The following ROCK2 variants were observed in gnomAD, a reference collection of about 807,000 sequenced individuals.
ROCK2 encodes rho-associated protein kinase 2.
ROCK2 carries 61 observed loss-of-function variants against 195.1 expected under a neutral mutation model. The observed-to-expected ratio is 0.31, with a 90% CI of 0.25 to 0.39. The LOEUF is 0.39. Among genes scored for constraint, ROCK2 ranks in the 10% least tolerant of loss-of-function variants. The pLI is 1.00. For synonymous variants in ROCK2, 504 were observed against 545.5 expected, an observed-to-expected ratio of 0.92 and a Z score of 1.06; for missense variants, 1,109 against 1,637.4, an observed-to-expected ratio of 0.68 and a Z score of 5.57.
intron 1 of ROCK2, among the ~76,000 whole-genome samples, chr2:11,303,505 T>C (rs1483199619): frequency 1.3e-5 from 2 of 152,160 alleles, no homozygotes; most frequent in Non-Finnish European, 2.9e-5. Context: ...CTCTTGCTCA[T>C]TAACACCACA....
intron 1 of ROCK2, among the ~76,000 whole-genome samples, chr2:11,332,550 T>C (rs1001774914): frequency 2.0e-5 from 3 of 152,210 alleles, no homozygotes; most frequent in Non-Finnish European, 4.4e-5. Context: ...TTGTCATTGG[T>C]AAAATGCACT....
chr2:11,286,404 A>T, intron 3 of ROCK2, 135 bp downstream of exon 3: 1 of 607,428 alleles, frequency 1.6e-6, no homozygotes, highest in Non-Finnish European at 2.9e-6. Context: ...TTTATAGATG[A>T]GGACACTGAC....
chr2:11,226,742 C>T (rs79427608), intron 6 of ROCK2, among the ~76,000 whole-genome samples: 1 of 151,388 alleles, frequency 6.6e-6, no homozygotes, highest in South Asian at 2.1e-4. Context: ...TGAGACCACT[C>T]CCTACAAAAA....
At chr2:11,203,020 G>C (rs562177873) in intron 20 of ROCK2, among the ~76,000 whole-genome samples, 36 of 152,196 alleles carry the variant, frequency 2.4e-4, no homozygotes, top group African/African-American at 7.7e-4. Context: ...ATCTAAACAT[G>C]GATGGTGGCT....
intron 18 of ROCK2, among the ~76,000 whole-genome samples, chr2:11,208,673 T>C (rs1049359287): frequency 1.3e-5 from 2 of 151,548 alleles, no homozygotes; most frequent in Non-Finnish European, 2.9e-5. Flanking sequence ...TCTCAGCTCT[T>C]TGTAACCTCC....
intron 1 of ROCK2, among the ~76,000 whole-genome samples, chr2:11,299,245 G>C (rs1667632512): frequency 6.6e-6 from 1 of 150,800 alleles, no homozygotes. Flanking sequence ...CTGCACTCCA[G>C]CCTGGGCGAC....
Position 11,295,739 on chromosome 2 carries a change from C to CT in ROCK2, c.142-8004dup, listed in dbSNP as rs201468726. ...TGGGAGGCCAAGGAGGGTGGATCAC[C>CT]TGAGGTCAGGAGTTTGACACCTGCC... On this transcript the variant is annotated intron_variant, in intron 1 of 32. Coordinates refer to ENST00000315872, the MANE Select transcript of ROCK2 (RefSeq NM_004850.5). Among the ~76,000 whole-genome samples the CT allele has an allele frequency of 7.0e-3, 1,065 of 152,036 alleles. 17 individuals carry two copies. The highest frequency in any genetic ancestry group is 0.024 in the African/African-American group (1,014 of 41,470).
intron 13 of ROCK2, 42 bp from the exon 14 acceptor site, chr2:11,215,687 A>G: frequency 6.6e-7 from 1 of 1,520,944 alleles, no homozygotes; most frequent in East Asian, 2.3e-5. Context: ...AGTATGTATA[A>G]AAATGAAATC....
At chr2:11,238,209 A>ATGTGTGTGTGTGTGT (rs1553303928) in intron 4 of ROCK2, among the ~76,000 whole-genome samples, 3 of 135,266 alleles carry the variant, frequency 2.2e-5, no homozygotes, top group Non-Finnish European at 3.1e-5. Context: ...ATTGAGAAAG[A>ATGTGTGTGTGTGTGT]GTGTGTGTGT....
intron 30 of ROCK2, among the ~76,000 whole-genome samples, chr2:11,193,238 C>T (rs547857609): frequency 6.6e-6 from 1 of 152,164 alleles, no homozygotes; most frequent in South Asian, 2.1e-4. Flanking sequence ...GACAAGCATC[C>T]AGAAAACAAG....
intron 23 of ROCK2, among the ~76,000 whole-genome samples, chr2:11,200,678 G>A (rs895434955): frequency 6.6e-6 from 1 of 151,648 alleles, no homozygotes. Context: ...CTGTTTTCCT[G>A]GTAGTTTCAA....
intron 1 of ROCK2, among the ~76,000 whole-genome samples, chr2:11,312,961 A>G (rs930871071): frequency 2.0e-5 from 3 of 152,126 alleles, no homozygotes; most frequent in Non-Finnish European, 4.4e-5. Context: ...TGGAGGCAAC[A>G]AGAGGAAAAA....
chr2:11,226,111 T>G (rs1191894845), intron 6 of ROCK2, among the ~76,000 whole-genome samples: 1 of 152,234 alleles, frequency 6.6e-6, no homozygotes, highest in East Asian at 1.9e-4. Flanking sequence ...TTTTTAACTC[T>G]AATTAATTCC....
intron 3 of ROCK2, among the ~76,000 whole-genome samples, chr2:11,266,294 T>G (rs901826201): frequency 2.0e-5 from 3 of 152,230 alleles, no homozygotes; most frequent in African/African-American, 7.2e-5. Context: ...TTGAGTTGCA[T>G]GAGTAATGTG....
intron 3 of ROCK2, among the ~76,000 whole-genome samples, chr2:11,278,502 T>G (rs191050172): frequency 5.3e-5 from 8 of 152,372 alleles, no homozygotes; most frequent in Admixed American, 5.2e-4. Flanking sequence ...TTGGCTCTTA[T>G]GAATAATGCT....
At chr2:11,266,140 A>C (rs1666406490) in intron 3 of ROCK2, among the ~76,000 whole-genome samples, 2 of 152,200 alleles carry the variant, frequency 1.3e-5, no homozygotes, top group African/African-American at 2.4e-5. Flanking sequence ...AAATAACATG[A>C]ATGGAGCTGG....
At chr2:11,345,347 G>A (rs1056199359), upstream of ROCK2, among the ~76,000 whole-genome samples, 4 of 152,160 alleles carry the variant, frequency 2.6e-5, no homozygotes, top group Admixed American at 6.5e-5. Context: ...TCTCCTTTTG[G>A]GGGGCGGAAG....
At chr2:11,299,375 T>C (rs1667637664) in intron 1 of ROCK2, among the ~76,000 whole-genome samples, 1 of 151,724 alleles carries the variant, frequency 6.6e-6, no homozygotes. Context: ...ATCTAAACAA[T>C]GAACTTTTTA....
chr2:11,225,406 A>G (rs1664776817), intron 6 of ROCK2, among the ~76,000 whole-genome samples: 1 of 152,178 alleles, frequency 6.6e-6, no homozygotes, highest in South Asian at 2.1e-4. Context: ...AGGTGGAGGG[A>G]AGTGATGAAT....
Sources: allele counts gnomAD v4.1 joint callset (sites outside exome capture counted in the v4.1 genomes callset), GRCh38; gene constraint gnomAD v4.1.1; transcripts MANE v1.5; gene names NCBI Gene and HGNC (gene_info 2026-07-23, HGNC 2026-07-21).